The following ITPK1 variants were observed in gnomAD, a reference collection of about 807,000 sequenced individuals.
The protein encoded by ITPK1 is inositol 1,3,4-trisphosphate 5/6-kinase.
In ITPK1, 21 loss-of-function variants were observed where a neutral mutation model predicts 45.3. That is an observed-to-expected ratio of 0.46 (90% CI 0.33 to 0.67). ITPK1 has a LOEUF of 0.67. Among genes scored for constraint, ITPK1 ranks in the 30% least tolerant of loss-of-function variants. The pLI is 0.02. For synonymous variants in ITPK1, 258 were observed against 253.6 expected, an observed-to-expected ratio of 1.02 and a Z score of -0.16; for missense variants, 474 against 573.5, an observed-to-expected ratio of 0.83 and a Z score of 1.77.
chr14:92,999,701 C>T (rs1023069310), intron 4 of ITPK1, among the ~76,000 whole-genome samples: 12 of 152,340 alleles, frequency 7.9e-5, no homozygotes, highest in African/African-American at 2.4e-4. Context: ...ATTGTAAGCC[C>T]GGGCCTCACC....
chr14:93,068,839 A>G (rs1388821872), intron 3 of ITPK1: 3 of 152,214 alleles, frequency 2.0e-5, no homozygotes, highest in Non-Finnish European at 4.4e-5. Context: ...AGAGATGCAC[A>G]CCACGCAACC....
chr14:93,111,615 G>A (rs1409402063), intron 2 of ITPK1, among the ~76,000 whole-genome samples: 2 of 151,622 alleles, frequency 1.3e-5, no homozygotes, highest in Non-Finnish European at 2.9e-5. Flanking sequence ...GGAGGCTGAG[G>A]CAGGAGAATA....
At chr14:93,067,415 G>A (rs1426776924) in intron 3 of ITPK1, 2 of 151,840 alleles carry the variant, frequency 1.3e-5, no homozygotes, top group African/African-American at 4.8e-5. Flanking sequence ...ATGGGATGTG[G>A]GAACTTTTTT....
At chr14:93,084,216 C>T (rs893346400) in intron 2 of ITPK1, among the ~76,000 whole-genome samples, 23 of 152,232 alleles carry the variant, frequency 1.5e-4, no homozygotes, top group Admixed American at 9.2e-4. Context: ...TGAGTGGCGA[C>T]GAAGCCAGGC....
At chr14:93,112,690 G>T (rs1286717287) in intron 2 of ITPK1, among the ~76,000 whole-genome samples, 5 of 151,858 alleles carry the variant, frequency 3.3e-5, no homozygotes, top group African/African-American at 9.7e-5. Flanking sequence ...CACCCACCTT[G>T]GACTCCCAAA....
intron 3 of ITPK1, among the ~76,000 whole-genome samples, chr14:93,040,929 G>A (rs1294301564): frequency 1.3e-5 from 2 of 152,128 alleles, no homozygotes; most frequent in Non-Finnish European, 1.5e-5. Flanking sequence ...AAAAAGGAAG[G>A]ATCCTGCCTA....
Position 93,071,250 on chromosome 14 carries a change from G to C in ITPK1, c.120+5345C>G, listed in dbSNP as rs1566769292. 2.0e-5 allele frequency: 3 copies of C among 153,158 alleles called. No individual in the cohort carries two copies. The South Asian group carries it at 6.2e-4, about 32-fold the overall frequency. The allele number at this position is 153,158 out of a possible 1,614,324, so 9.5% of individuals were successfully genotyped here. A position where few individuals can be genotyped will look rare whatever the true frequency, so the allele number is the denominator to read the frequency against. ...CCCAACAGACCAGGTCTGCAGACAA[G>C]TCCACTGCCAAGCAAGTCTCGGAGC... is the stretch of plus-strand genomic sequence containing the variant. On this transcript the variant is annotated intron_variant, in intron 3 of 10. Coordinates refer to ENST00000267615, the MANE Select transcript of ITPK1 (RefSeq NM_014216.6).
intron 4 of ITPK1, among the ~76,000 whole-genome samples, chr14:93,009,656 G>A (rs780124098): frequency 6.6e-6 from 1 of 152,182 alleles, no homozygotes; most frequent in African/African-American, 2.4e-5. Flanking sequence ...AGCAGTCATC[G>A]AGAGGCTGAC....
chr14:92,950,067 G>A (rs776923393), intron 9 of ITPK1, among the ~76,000 whole-genome samples: 27 of 152,220 alleles, frequency 1.8e-4, no homozygotes, highest in South Asian at 8.3e-4. Flanking sequence ...GAGGCGACGC[G>A]ACTCGCCTTA....
At position 92,958,212 on chromosome 14, in the gene ITPK1, G is replaced by A; in HGVS notation, c.659C>T (p.Ala220Val). 6.2e-7 allele frequency: 1 copy of A among 1,614,162 alleles called. No homozygotes were observed. The highest frequency in any genetic ancestry group is 2.2e-5 in the East Asian group (1 of 44,886). The change falls in exon 8 of 11, where the codon GCA (alanine) becomes GTA (valine). Residue 220 changes from alanine (A) to valine (V), a missense_variant. This residue lies in a region of ITPK1 where 367 missense variants were observed against 480.6 expected (regional missense o/e 0.76). Coordinates refer to ENST00000267615, the MANE Select transcript of ITPK1 (RefSeq NM_014216.6). This position sits in a 1 kb window ranked among gnomAD's most constrained non-coding sequence, Gnocchi z 4.4. ...AGAAGAGCAGTTACCTGATGTGCCT[G>A]CGGAGAAGTTCTTGAGTGAGGGCCT... The part of the protein sequence containing the change: ...VQRPSLKNFS[A>V]GTSDRESIFF...
At position 93,016,874 on chromosome 14, in the gene ITPK1, C is replaced by T; in HGVS notation, c.121-73G>A. The T allele has an allele frequency of 1.9e-6, 3 of 1,581,370 alleles. No homozygotes were observed. Among genetic ancestry groups the T allele is most frequent in the Non-Finnish European group, 2.6e-6 (3 of 1,162,296 alleles). ...TCCACTGCCCCCATCCTCTTGTCCA[C>T]CCTGGGGCATATCACCAGAGGACCC... is the stretch of plus-strand genomic sequence containing the variant. On this transcript the variant is annotated intron_variant, in intron 3 of 10. Coordinates refer to ENST00000267615, the MANE Select transcript of ITPK1 (RefSeq NM_014216.6). The surrounding 1 kb of genome is among the most constrained non-coding windows in gnomAD (Gnocchi z 5.0).
intron 5 of ITPK1, among the ~76,000 whole-genome samples, chr14:92,972,795 T>C (rs1227405402): frequency 1.3e-5 from 2 of 152,214 alleles, no homozygotes; most frequent in Non-Finnish European, 2.9e-5. Context: ...TTTGCCATGT[T>C]GGCCAGGCTG....
Position 93,012,591 on chromosome 14 carries a change from T to C in ITPK1, c.246+4085A>G, listed in dbSNP as rs138556653. On this transcript the variant is annotated intron_variant, in intron 4 of 10. Coordinates refer to ENST00000267615, the MANE Select transcript of ITPK1 (RefSeq NM_014216.6). The surrounding 1 kb of genome is among the most constrained non-coding windows in gnomAD (Gnocchi z 4.9). ...ACCTGTGTTTTTCCTAACTCATCAC[T>C]TTAGGGGCCGTGAGGTCAGTTCTGG... 4.7e-3 allele frequency among the ~76,000 whole-genome samples: 719 copies of C among 152,266 alleles called. 3 individuals are homozygous for C. Among genetic ancestry groups the C allele is most frequent in the African/African-American group, 0.017 (687 of 41,554 alleles).
chr14:92,945,579 C>T (rs917391732), intron 10 of ITPK1, among the ~76,000 whole-genome samples: 1 of 152,218 alleles, frequency 6.6e-6, no homozygotes, highest in Admixed American at 6.5e-5. Flanking sequence ...GCATCAAGCG[C>T]GGCTCTGTCT....
intron 3 of ITPK1, among the ~76,000 whole-genome samples, chr14:93,038,884 G>GC (rs1889435033): frequency 6.6e-6 from 1 of 152,212 alleles, no homozygotes; most frequent in African/African-American, 2.4e-5. Flanking sequence ...TAAGTGCCAA[G>GC]CAACTATCTA....
intron 9 of ITPK1, among the ~76,000 whole-genome samples, chr14:92,950,198 C>A (rs1207242095): frequency 6.6e-6 from 1 of 152,230 alleles, no homozygotes; most frequent in Non-Finnish European, 1.5e-5. Flanking sequence ...TAGGCCCATC[C>A]GCAGGGGCAT....
chr14:93,067,751 C>A (rs1890819667), intron 3 of ITPK1: 1 of 152,572 alleles, frequency 6.6e-6, no homozygotes, highest in Non-Finnish European at 1.5e-5. Flanking sequence ...CCCTTCCCAG[C>A]ACCTCATGTA....
At chr14:93,009,876 T>C (rs1418901110) in intron 4 of ITPK1, among the ~76,000 whole-genome samples, 1 of 152,146 alleles carries the variant, frequency 6.6e-6, no homozygotes, top group Non-Finnish European at 1.5e-5. Flanking sequence ...CCATCAGCTG[T>C]CACCAAAGCC....
chr14:93,035,981 G>A (rs368061019), intron 3 of ITPK1, among the ~76,000 whole-genome samples: 3 of 152,192 alleles, frequency 2.0e-5, no homozygotes, highest in South Asian at 2.1e-4. Flanking sequence ...GCCTGACTCC[G>A]GCACGTGATG....
Sources: gnomAD v4.1 joint callset for allele counts (sites outside exome capture counted in the v4.1 genomes callset) on GRCh38, gnomAD v4.1.1 for gene constraint, gnomAD v4.1.1 regional missense constraint, Gnocchi (gnomAD v3.1) non-coding constraint, MANE v1.5 for transcripts, NCBI Gene and HGNC (gene_info 2026-07-23, HGNC 2026-07-21) for gene names.